Variants in SLC38A4 observed in about 807,000 individuals in gnomAD.
The protein encoded by SLC38A4 is solute carrier family 38 member 4, also known as sodium-coupled neutral amino acid transporter 4.
In SLC38A4, 20 loss-of-function variants were observed where a neutral mutation model predicts 63.1. The observed-to-expected ratio is 0.32, with a 90% confidence interval of 0.22 to 0.46. SLC38A4 has a LOEUF of 0.46. Ranked by LOEUF, SLC38A4 falls within the 20% of genes least tolerant of loss-of-function variation. The probability of loss-of-function intolerance (pLI) is 1.00; values close to 1 mark genes in which losing one functional copy is unlikely to be tolerated. For synonymous variants in SLC38A4, 230 were observed against 225.5 expected (o/e 1.02, Z -0.18); for missense variants, 526 against 663.6 (o/e 0.79, Z 2.28).
intron 1 of SLC38A4, among the ~76,000 whole-genome samples, chr12:46,818,205 ATCT>A (rs1165395211): frequency 2.0e-5 from 3 of 151,854 alleles, no homozygotes; most frequent in South Asian, 2.1e-4. Context: ...GCTGTCACTC[ATCT>A]TCTGGGAGTA....
rs1219094293 is a variant in SLC38A4, at chr12:46,769,357, T to G, written c.1371A>C (p.Ala457=). The G allele has an allele frequency of 6.8e-6, 11 of 1,613,522 alleles. No individual in the cohort carries two copies. The East Asian group carries it at 1.3e-4, about 20-fold the overall frequency. ...PFSWIRHFLI[A]AVLIALNNVL... ...CATTATTAAGTGCAATAAGCACAGC[T>G]GCAATCAGGAAATGTCGTATCCAGC... Residue 457 remains alanine, a synonymous_variant, in exon 15 of 17, where the codon GCA becomes GCC. Coordinates refer to ENST00000266579, the MANE Select transcript of SLC38A4 (RefSeq NM_018018.5).
At chr12:46,832,138 A>G (rs1350701488) in intron 1 of SLC38A4, among the ~76,000 whole-genome samples, 1 of 152,122 alleles carries the variant, frequency 6.6e-6, no homozygotes, top group African/African-American at 2.4e-5. Context: ...AATAAGAATT[A>G]GGAACTATGA....
chr12:46,801,742 C>T (rs1022302370), intron 2 of SLC38A4, among the ~76,000 whole-genome samples: 3 of 152,042 alleles, frequency 2.0e-5, no homozygotes, highest in African/African-American at 2.4e-5. Context: ...TCTAATATTA[C>T]CTTTATATTA....
intron 2 of SLC38A4, among the ~76,000 whole-genome samples, chr12:46,793,910 G>A (rs1592186095): frequency 6.6e-6 from 1 of 152,048 alleles, no homozygotes; most frequent in East Asian, 1.9e-4. Context: ...TTAACATTTG[G>A]GGACCTCATT....
At chr12:46,784,670 T>C (rs1342642274) in intron 6 of SLC38A4, 36 bp from the exon 7 acceptor site, 2 of 1,513,690 alleles carry the variant, frequency 1.3e-6, no homozygotes, top group African/African-American at 1.4e-5. Context: ...GTTAAAGAGA[T>C]TGTTTTAATG....
chr12:46,814,715 G>T (rs4447249), intron 1 of SLC38A4, among the ~76,000 whole-genome samples: 1 of 151,786 alleles, frequency 6.6e-6, no homozygotes, highest in Non-Finnish European at 1.5e-5. Flanking sequence ...GCATGGATTA[G>T]CTGGCAGCAA....
At chr12:46,788,933 A>G (rs1938823624) in intron 3 of SLC38A4, among the ~76,000 whole-genome samples, 1 of 152,218 alleles carries the variant, frequency 6.6e-6, no homozygotes, top group Non-Finnish European at 1.5e-5. Context: ...GTTCCCATTT[A>G]GAGCCCTTCC....
At chr12:46,824,740 G>T (rs1939612992) in intron 1 of SLC38A4, among the ~76,000 whole-genome samples, 1 of 152,228 alleles carries the variant, frequency 6.6e-6, no homozygotes, top group Admixed American at 6.5e-5. Flanking sequence ...ACAAGTGGTT[G>T]CCGGGGTAGC....
intron 1 of SLC38A4, among the ~76,000 whole-genome samples, chr12:46,820,424 A>C (rs1307061958): frequency 6.6e-6 from 1 of 152,020 alleles, no homozygotes; most frequent in African/African-American, 2.4e-5. Context: ...GGAGTCATGC[A>C]GGATTTGTCC....
chr12:46,807,244 C>T (rs1939252000), intron 1 of SLC38A4, among the ~76,000 whole-genome samples: 2 of 151,886 alleles, frequency 1.3e-5, no homozygotes, highest in South Asian at 4.1e-4. Context: ...CTTTTCTTTG[C>T]TCTCACTTCA....
Position 46,777,761 on chromosome 12 carries a change from G to A in SLC38A4, c.1073+528C>T, listed in dbSNP as rs552896035. Among the ~76,000 whole-genome samples the A allele has an allele frequency of 3.9e-5, 6 of 152,064 alleles. No individual in the cohort carries two copies. The South Asian group carries it at 1.0e-3, about 26-fold the overall frequency. Reference sequence around the variant, plus strand: ...GGGAAAAGAATACAAATGAACCATAGACCATCAGCTGGAAGAAACAAGATT... The same window carrying A: ...GGGAAAAGAATACAAATGAACCATAAACCATCAGCTGGAAGAAACAAGATT... On this transcript the variant is annotated intron_variant, in intron 12 of 16. Coordinates refer to ENST00000266579, the MANE Select transcript of SLC38A4 (RefSeq NM_018018.5).
chr12:46,801,225 G>A (rs1939126355), intron 2 of SLC38A4, among the ~76,000 whole-genome samples: 1 of 152,072 alleles, frequency 6.6e-6, no homozygotes. Flanking sequence ...TAAGTGTTCT[G>A]AGTAGCTAAT....
At chr12:46,831,843 C>T (rs1405002463) in intron 1 of SLC38A4, among the ~76,000 whole-genome samples, 3 of 148,662 alleles carry the variant, frequency 2.0e-5, no homozygotes, top group Non-Finnish European at 4.4e-5. Context: ...CGGGGGAAGT[C>T]GGGCCTCTCA....
rs1449605060 is a variant in SLC38A4 at position 46,764,889 on chromosome 12, G to T, written c.*1812C>A. On this transcript the variant is annotated 3_prime_UTR_variant, in exon 17 of 17. Transcript: ENST00000266579. ...AAATTTTCATCTGTTTACAAATGGG[G>T]TTAAATTAATCAGCACAAGCTATCA... The T allele has an allele frequency of 6.6e-6, 1 of 152,524 alleles. No individual in the cohort carries two copies. The highest frequency in any genetic ancestry group is 1.5e-5 in the Non-Finnish European group (1 of 67,982). 9.4% of individuals were successfully genotyped at this position (152,524 alleles called of 1,614,324 possible). A position where few individuals can be genotyped will look rare whatever the true frequency, so the allele number is the denominator to read the frequency against.
chr12:46,786,263 G>C (rs544030446), intron 5 of SLC38A4, among the ~76,000 whole-genome samples: 1 of 152,072 alleles, frequency 6.6e-6, no homozygotes, highest in South Asian at 2.1e-4. Context: ...TACTTTCTCT[G>C]GCAGAAAATA....
chr12:46,793,638 A>G (rs1420823728), intron 2 of SLC38A4, among the ~76,000 whole-genome samples: 1 of 152,168 alleles, frequency 6.6e-6, no homozygotes, highest in Non-Finnish European at 1.5e-5. Flanking sequence ...TACTGCTTTA[A>G]TTTAATTGGA....
At chr12:46,806,854 G>T (rs980299292) in intron 1 of SLC38A4, among the ~76,000 whole-genome samples, 2 of 151,814 alleles carry the variant, frequency 1.3e-5, no homozygotes, top group Non-Finnish European at 2.9e-5. Flanking sequence ...AAAATACAGT[G>T]ATTCAGATTA....
In SLC38A4 at chr12:46,783,051, T is replaced by TGTGTGTGTGTGTGC. The variant is rs1555170940; in HGVS notation, c.493+1490_493+1491insGCACACACACACAC. Among the ~76,000 whole-genome samples the TGTGTGTGTGTGTGC allele has an allele frequency of 9.2e-3, 1,292 of 141,062 alleles. 19 individuals are homozygous for TGTGTGTGTGTGTGC. Among genetic ancestry groups the TGTGTGTGTGTGTGC allele is most frequent in the Middle Eastern group, 0.017 (5 of 288 alleles). The allele number at this position is 141,062 out of a possible 152,430, so 92.5% of individuals were successfully genotyped here. On this transcript the variant is annotated intron_variant, in intron 7 of 16. Transcript: ENST00000266579. ...GTGTGTGTGTGTGTGTGTGTGTGTG[T>TGTGTGTGTGTGTGC]GTGTGTGTTAGGGTTGGAGGACTTT... is the stretch of plus-strand genomic sequence containing the variant.
chr12:46,781,137 G>T (rs987648445), intron 7 of SLC38A4, among the ~76,000 whole-genome samples: 6 of 151,982 alleles, frequency 3.9e-5, no homozygotes, highest in Non-Finnish European at 7.4e-5. Context: ...GAGATGACAA[G>T]ATATATGTTG....
Sources: allele counts gnomAD v4.1 joint callset (sites outside exome capture counted in the v4.1 genomes callset), GRCh38; gene constraint gnomAD v4.1.1; transcripts MANE v1.5; gene names NCBI Gene and HGNC (gene_info 2026-07-23, HGNC 2026-07-21).